The following PAWR variants were observed in gnomAD, a reference collection of about 807,000 sequenced individuals.
The protein encoded by PAWR is pro-apoptotic WT1 regulator, also known as PRKC apoptosis WT1 regulator protein.
Under a neutral mutation model 32.0 loss-of-function variants are expected in PAWR, and 23 were observed. The observed-to-expected ratio is 0.72, with a 90% CI of 0.52 to 1.02. The LOEUF (loss-of-function observed/expected upper bound fraction) is 1.02. Ranked by LOEUF, PAWR falls within the 50% of genes least tolerant of loss-of-function variation. The pLI is 0.00. For synonymous variants in PAWR, 226 were observed against 187.1 expected (o/e 1.21, Z -1.70); for missense variants, 457 against 437.7 (o/e 1.04, Z -0.39).
At chr12:79,660,819 G>A (rs567364156) in intron 2 of PAWR, among the ~76,000 whole-genome samples, 51 of 151,762 alleles carry the variant, frequency 3.4e-4, no homozygotes, top group African/African-American at 1.2e-3. Context: ...CCTGAACTGA[G>A]CTGATCCACC....
At chr12:79,629,890 AAAAAG>A (rs1875524264) in intron 2 of PAWR, among the ~76,000 whole-genome samples, 1 of 152,176 alleles carries the variant, frequency 6.6e-6, no homozygotes, top group African/African-American at 2.4e-5. Context: ...AATCACGTGA[AAAAAG>A]AAATCACAAG....
At position 79,588,044 on chromosome 12, in the gene PAWR, A is replaced by C. The variant is rs150388649; in HGVS notation, c.*4563T>G. 2.0e-5 allele frequency: 3 copies of C among 152,164 alleles called. No homozygotes were observed. The East Asian group carries it at 5.8e-4, about 29-fold the overall frequency. The allele number at this position is 152,164 out of a possible 1,614,324, so 9.4% of individuals were successfully genotyped here. A position where few individuals can be genotyped will look rare whatever the true frequency, so the allele number is the denominator to read the frequency against. ...ATATGGTAGCAGCAGGATGCTACTTAAATTTAGAAGAAAAACATAAGAATA... is the reference window on the plus strand; with the variant it reads ...ATATGGTAGCAGCAGGATGCTACTTCAATTTAGAAGAAAAACATAAGAATA... On this transcript the variant is annotated 3_prime_UTR_variant, in exon 7 of 7. Transcript: ENST00000328827.
At chr12:79,641,845 CAAAAAAAAAAAAAAAAA>C (rs35377529) in intron 2 of PAWR, among the ~76,000 whole-genome samples, 3 of 57,690 alleles carry the variant, frequency 5.2e-5, no homozygotes, top group African/African-American at 1.2e-4. Context: ...GACTCCGTCT[CAAAAAAAAAAAAAAAAA>C]AAAAAAAAAA....
intron 2 of PAWR, among the ~76,000 whole-genome samples, chr12:79,667,373 A>T (rs1339122695): frequency 6.6e-6 from 1 of 152,226 alleles, no homozygotes; most frequent in East Asian, 1.9e-4. Context: ...GGATCTGATC[A>T]AACCTCTAGT....
intron 2 of PAWR, among the ~76,000 whole-genome samples, chr12:79,673,802 C>T (rs144142847): frequency 6.4e-4 from 98 of 152,238 alleles, no homozygotes; most frequent in East Asian, 1.9e-3. Flanking sequence ...ATCCCATTCA[C>T]AACAACCACA....
At chr12:79,637,569 AT>A (rs1876022425) in intron 2 of PAWR, among the ~76,000 whole-genome samples, 1 of 151,510 alleles carries the variant, frequency 6.6e-6, no homozygotes, top group African/African-American at 2.4e-5. Flanking sequence ...ATAAATTGAA[AT>A]AAGGTCAAAT....
Position 79,632,340 on chromosome 12 carries a change from TATATA to T in PAWR, c.517-11138_517-11134del, listed in dbSNP as rs1875720819. 4.9e-5 allele frequency among the ~76,000 whole-genome samples: 3 copies of T among 61,736 alleles called. No homozygotes were observed. In the African/African-American group the frequency reaches 5.9e-4, roughly 12 times the overall value. The allele number at this position is 61,736 out of a possible 152,430, so 40.5% of individuals were successfully genotyped here. A position where few individuals can be genotyped will look rare whatever the true frequency, so the allele number is the denominator to read the frequency against. On this transcript the variant is annotated intron_variant, in intron 2 of 6. Coordinates refer to ENST00000328827, the MANE Select transcript of PAWR (RefSeq NM_002583.4). ...ATATATATATATATATATATATATA[TATATA>T]TATATATATATATATATTTTTTTTT...
intron 2 of PAWR, among the ~76,000 whole-genome samples, chr12:79,623,772 T>C (rs1033976904): frequency 1.3e-5 from 2 of 152,088 alleles, no homozygotes; most frequent in African/African-American, 4.8e-5. Context: ...TGGTGCATCA[T>C]CTGGAAGAAA....
rs920717468 is a variant in PAWR, at chr12:79,589,960, T to G, written c.*2647A>C. ...CTACCTTCTACCAATCTCAACACTT[T>G]TTATAAATTTTCAGGTGAAACTGTA... On this transcript the variant is annotated 3_prime_UTR_variant, in exon 7 of 7. Coordinates refer to ENST00000328827, the MANE Select transcript of PAWR (RefSeq NM_002583.4). 44 of 152,288 alleles carry G rather than the reference T, an allele frequency of 2.9e-4. No individual in the cohort carries two copies. The highest frequency in any genetic ancestry group is 1.1e-3 in the African/African-American group (44 of 41,584). 9.4% of individuals were successfully genotyped at this position (152,288 alleles called of 1,614,324 possible). A position where few individuals can be genotyped will look rare whatever the true frequency, so the allele number is the denominator to read the frequency against.
intron 2 of PAWR, among the ~76,000 whole-genome samples, chr12:79,651,279 C>T (rs1396397254): frequency 2.0e-5 from 3 of 152,014 alleles, no homozygotes; most frequent in African/African-American, 7.2e-5. Context: ...AAAAAATACA[C>T]CAAGATGAAA....
At chr12:79,669,669 A>G (rs1256357777) in intron 2 of PAWR, among the ~76,000 whole-genome samples, 3 of 152,174 alleles carry the variant, frequency 2.0e-5, no homozygotes, top group African/African-American at 4.8e-5. Context: ...TTCAAAATAT[A>G]CTGAAACTGT....
At chr12:79,649,000 A>C (rs1876715277) in intron 2 of PAWR, among the ~76,000 whole-genome samples, 1 of 152,214 alleles carries the variant, frequency 6.6e-6, no homozygotes, top group African/African-American at 2.4e-5. Flanking sequence ...CAGAAAGCTG[A>C]GTGAGCATCT....
intron 2 of PAWR, among the ~76,000 whole-genome samples, chr12:79,630,870 A>C (rs1414718976): frequency 1.3e-5 from 2 of 152,028 alleles, no homozygotes; most frequent in Non-Finnish European, 2.9e-5. Flanking sequence ...AAAAAAAAAA[A>C]AAAATTCTAA....
At chr12:79,661,749 T>C (rs1439589656) in intron 2 of PAWR, among the ~76,000 whole-genome samples, 3 of 152,194 alleles carry the variant, frequency 2.0e-5, no homozygotes, top group South Asian at 4.1e-4. Flanking sequence ...CTTATTTCAA[T>C]AGGCATCTAT....
intron 2 of PAWR, among the ~76,000 whole-genome samples, chr12:79,622,812 C>T (rs971987421): frequency 2.6e-5 from 4 of 152,158 alleles, no homozygotes; most frequent in Admixed American, 1.3e-4. Context: ...CTGTTCTTGA[C>T]TCTAACTAAC....
chr12:79,666,419 T>A (rs370379570), intron 2 of PAWR, among the ~76,000 whole-genome samples: 1 of 152,174 alleles, frequency 6.6e-6, no homozygotes, highest in Non-Finnish European at 1.5e-5. Context: ...AATAATAAAA[T>A]AGATCATAGT....
chr12:79,629,836 C>T (rs1193649040), intron 2 of PAWR, among the ~76,000 whole-genome samples: 1 of 152,014 alleles, frequency 6.6e-6, no homozygotes, highest in Admixed American at 6.6e-5. Flanking sequence ...TAACAGAAAG[C>T]TACCTGAAAA....
chr12:79,638,863 C>CAT (rs1555237600), intron 2 of PAWR, among the ~76,000 whole-genome samples: 571 of 8,138 alleles, frequency 0.07, 43 homozygotes, highest in Non-Finnish European at 0.099. Context: ...GAGATGGAGT[C>CAT]ATATATATAT....
At chr12:79,640,268 T>G (rs1876257150) in intron 2 of PAWR, among the ~76,000 whole-genome samples, 1 of 152,008 alleles carries the variant, frequency 6.6e-6, no homozygotes, top group African/African-American at 2.4e-5. Flanking sequence ...TTTCCTTCCT[T>G]AGCAATCCCT....
Sources: gnomAD v4.1 joint callset for allele counts (sites outside exome capture counted in the v4.1 genomes callset) on GRCh38, gnomAD v4.1.1 for gene constraint, MANE v1.5 for transcripts, NCBI Gene and HGNC (gene_info 2026-07-23, HGNC 2026-07-21) for gene names.